DCTN6: variants seen among roughly 807,000 people sequenced by gnomAD.
DCTN6 encodes the protein dynactin 6.
In DCTN6, 15 loss-of-function variants were observed where a neutral mutation model predicts 25.8. The ratio of observed to expected loss-of-function variants is 0.58; its 90% CI spans 0.39 to 0.89. The LOEUF is 0.89. Among genes scored for constraint, DCTN6 ranks in the 40% least tolerant of loss-of-function variants. The probability of loss-of-function intolerance (pLI) is 0.00; values close to 1 mark genes in which losing one functional copy is unlikely to be tolerated. For missense variants in DCTN6, 198 were observed against 237.6 expected (o/e 0.83, Z 1.09); for synonymous variants, 64 against 78.3 (o/e 0.82, Z 0.96).
intron 1 of DCTN6, among the ~76,000 whole-genome samples, chr8:30,158,417 T>C (rs1030563585): frequency 2.6e-5 from 4 of 152,190 alleles, no homozygotes; most frequent in African/African-American, 9.7e-5. Context: ...CATTTACAGC[T>C]GGTGATACAT....
chr8:30,157,843 C>A (rs1803546177), intron 1 of DCTN6, among the ~76,000 whole-genome samples: 1 of 152,164 alleles, frequency 6.6e-6, no homozygotes, highest in African/African-American at 2.4e-5. Context: ...GTAGATTTTT[C>A]TTCCATTTAA....
intron 1 of DCTN6, among the ~76,000 whole-genome samples, chr8:30,162,731 C>A (rs1282204942): frequency 4.6e-5 from 7 of 151,956 alleles, no homozygotes. Flanking sequence ...TTATTAGAGT[C>A]TTTTGAAGAA....
chr8:30,182,337 G>A (rs972780070), intron 6 of DCTN6, among the ~76,000 whole-genome samples: 6 of 152,146 alleles, frequency 3.9e-5, no homozygotes, highest in Middle Eastern at 3.2e-3. Context: ...AATCTGGGCA[G>A]TACTGGTATA....
rs770518091 is a variant in DCTN6 at position 30,164,175 on chromosome 8, G to A, written c.88G>A (p.Gly30Arg). ...TGAAATCAGAGGAGATGTAACTATC[G>A]GTAAGAAATAGTTTATTTACTGTTT... The part of the protein sequence containing the change: ...ESEIRGDVTI[G>R]PRTVIHPKAR... Residue 30 changes from glycine (G) to arginine (R), a missense_variant and splice_region_variant, in exon 2 of 7, where the codon GGA (glycine) becomes AGA (arginine). Physicochemically the swap from Gly to Arg is moderately radical, Grantham distance 125. Transcript: ENST00000221114. 5 of 1,607,482 alleles carry A rather than the reference G, an allele frequency of 3.1e-6. No individual in the cohort carries two copies. Among genetic ancestry groups the A allele is most frequent in the East Asian group, 2.2e-5 (1 of 44,840 alleles).
chr8:30,175,253 T>A, intron 3 of DCTN6, 63 bp downstream of exon 3: 2 of 1,435,218 alleles, frequency 1.4e-6, no homozygotes, highest in Non-Finnish European at 1.9e-6. Context: ...TAATTTCAGC[T>A]GTCTGTAAGA....
intron 1 of DCTN6, among the ~76,000 whole-genome samples, chr8:30,159,548 C>G (rs921635213): frequency 6.6e-6 from 1 of 152,154 alleles, no homozygotes; most frequent in African/African-American, 2.4e-5. Flanking sequence ...TTATGAGCTT[C>G]AGAATCTGTA....
intron 1 of DCTN6, among the ~76,000 whole-genome samples, chr8:30,160,453 C>T (rs1385367195): frequency 2.0e-5 from 3 of 152,154 alleles, no homozygotes; most frequent in Non-Finnish European, 2.9e-5. Context: ...TCAATTAAAC[C>T]TCTTTCCTTT....
intron 2 of DCTN6, among the ~76,000 whole-genome samples, chr8:30,167,143 A>G (rs1803689432): frequency 6.6e-6 from 1 of 151,808 alleles, no homozygotes; most frequent in Admixed American, 6.6e-5. Context: ...GAAAAAAGAA[A>G]AATTAGCAGA....
chr8:30,163,801 C>G (rs1020396906), intron 1 of DCTN6, among the ~76,000 whole-genome samples: 2 of 150,640 alleles, frequency 1.3e-5, no homozygotes, highest in South Asian at 2.1e-4. Flanking sequence ...CTCCCGAGTT[C>G]AAGTGATTCT....
At chr8:30,161,742 GTTTTAAT>G (rs1803598625) in intron 1 of DCTN6, among the ~76,000 whole-genome samples, 1 of 119,846 alleles carries the variant, frequency 8.3e-6, no homozygotes, top group Non-Finnish European at 1.7e-5. Context: ...ATAAAATTGT[GTTTTAAT>G]TTTTTTTTTT....
intron 5 of DCTN6, 57 bp downstream of exon 5, chr8:30,179,512 G>C (rs117333940): frequency 6.7e-7 from 1 of 1,483,932 alleles, no homozygotes; most frequent in Non-Finnish European, 9.2e-7. Context: ...TCTTTGTGGT[G>C]TCCTGGGAAA....
At chr8:30,164,440 T>C (rs574062001) in intron 2 of DCTN6, among the ~76,000 whole-genome samples, 2 of 152,356 alleles carry the variant, frequency 1.3e-5, no homozygotes, top group South Asian at 2.1e-4. Flanking sequence ...GTACCTGCGA[T>C]GTGCCAGGCA....
chr8:30,167,494 C>T (rs546630442), intron 2 of DCTN6, among the ~76,000 whole-genome samples: 1 of 151,954 alleles, frequency 6.6e-6, no homozygotes, highest in South Asian at 2.1e-4. Flanking sequence ...TACAGTGACG[C>T]ACCACCACAC....
chr8:30,181,165 C>T (rs893378347), intron 6 of DCTN6: 2 of 152,654 alleles, frequency 1.3e-5, no homozygotes, highest in African/African-American at 4.8e-5. Context: ...ACAAGGATGA[C>T]AATGACAAGT....
chr8:30,160,056 C>T (rs2117574403), intron 1 of DCTN6, among the ~76,000 whole-genome samples: 1 of 152,238 alleles, frequency 6.6e-6, no homozygotes, highest in South Asian at 2.1e-4. Flanking sequence ...CTTCCCTCTC[C>T]ATCAGGAATC....
At chr8:30,173,752 A>AT (rs1453079946) in intron 2 of DCTN6, among the ~76,000 whole-genome samples, 1 of 151,592 alleles carries the variant, frequency 6.6e-6, no homozygotes, top group African/African-American at 2.4e-5. Context: ...AAAAAAAAAA[A>AT]AACCAGTTTA....
chr8:30,180,124 C>A (rs1803892554), intron 5 of DCTN6, among the ~76,000 whole-genome samples: 1 of 152,110 alleles, frequency 6.6e-6, no homozygotes, highest in South Asian at 2.1e-4. Context: ...TCAGCATTTT[C>A]TATTTATTTT....
chr8:30,183,034 T>A (rs897373234), intron 6 of DCTN6, 41 bp from the exon 7 acceptor site: 2 of 1,583,290 alleles, frequency 1.3e-6, no homozygotes, highest in Non-Finnish European at 8.7e-7. Context: ...ACTCTTGACT[T>A]TGCTTTCTGC....
intron 5 of DCTN6, among the ~76,000 whole-genome samples, chr8:30,179,878 A>T (rs996421320): frequency 6.6e-6 from 1 of 152,198 alleles, no homozygotes; most frequent in African/African-American, 2.4e-5. Flanking sequence ...AAGTGGGACC[A>T]GACAGGAGAT....
Sources: allele counts gnomAD v4.1 joint callset (sites outside exome capture counted in the v4.1 genomes callset), GRCh38; gene constraint gnomAD v4.1.1; transcripts MANE v1.5; gene names NCBI Gene and HGNC (gene_info 2026-07-23, HGNC 2026-07-21).